Variants in ATP10B observed in about 807,000 individuals in gnomAD.
ATP10B encodes ATPase phospholipid transporting 10B (putative).
A neutral mutation model predicts 141.2 loss-of-function variants in ATP10B; 122 were observed. That is an observed-to-expected ratio of 0.86 (90% CI 0.75 to 1.00). The LOEUF is 1.00. ATP10B is among the 50% of genes least tolerant of loss of function. ATP10B has a pLI of 0.00. For synonymous variants in ATP10B, 685 were observed against 692.0 expected (o/e 0.99, Z 0.16); for missense variants, 1,876 against 1,825.3 (o/e 1.03, Z -0.51).
intron 1 of ATP10B, among the ~76,000 whole-genome samples, chr5:160,828,788 C>T (rs1774830830): frequency 6.6e-6 from 1 of 151,460 alleles, no homozygotes; most frequent in Admixed American, 6.6e-5. Context: ...TTCACAATAG[C>T]AAAGACTTGG....
At chr5:160,833,005 C>T (rs1001848078) in intron 1 of ATP10B, among the ~76,000 whole-genome samples, 3 of 152,082 alleles carry the variant, frequency 2.0e-5, no homozygotes, top group African/African-American at 7.2e-5. Flanking sequence ...TGTTAATGTG[C>T]CAAACTCTGG....
chr5:160,884,470 CTTTTT>C, the ATP10B span, among the ~76,000 whole-genome samples: 1 of 151,952 alleles, frequency 6.6e-6, no homozygotes, highest in African/African-American at 2.4e-5. Context: ...GATAATTTTT[CTTTTT>C]AAGTTTCCTT....
At chr5:160,733,764 C>A (rs975456450) in intron 2 of ATP10B, among the ~76,000 whole-genome samples, 2 of 149,172 alleles carry the variant, frequency 1.3e-5, no homozygotes, top group Non-Finnish European at 1.5e-5. Flanking sequence ...TTTAAAGAGC[C>A]AAAGAAAAAA....
the ATP10B span, among the ~76,000 whole-genome samples, chr5:160,873,008 C>CGA: frequency 6.6e-6 from 1 of 151,994 alleles, no homozygotes; most frequent in African/African-American, 2.4e-5. Flanking sequence ...TCCATGAGCA[C>CGA]GAGATGTGTT....
intron 10 of ATP10B, among the ~76,000 whole-genome samples, chr5:160,637,966 A>G (rs1759541300): frequency 6.6e-6 from 1 of 152,248 alleles, no homozygotes; most frequent in Non-Finnish European, 1.5e-5. Flanking sequence ...TAAGACAAGT[A>G]TGGGAAAAGC....
chr5:160,829,834 A>C (rs1380549229), intron 1 of ATP10B, among the ~76,000 whole-genome samples: 2 of 152,150 alleles, frequency 1.3e-5, no homozygotes, highest in African/African-American at 4.8e-5. Flanking sequence ...CTCATTTATC[A>C]GTTCTAGTTG....
At chr5:160,782,894 G>C (rs893995458) in intron 2 of ATP10B, among the ~76,000 whole-genome samples, 4 of 152,094 alleles carry the variant, frequency 2.6e-5, no homozygotes, top group African/African-American at 9.6e-5. Flanking sequence ...ATGTAACATT[G>C]TATTCATATG....
intron 13 of ATP10B, among the ~76,000 whole-genome samples, chr5:160,628,907 A>G (rs1758760268): frequency 1.3e-5 from 2 of 152,052 alleles, no homozygotes; most frequent in Non-Finnish European, 2.9e-5. Flanking sequence ...CAATTAGGTG[A>G]CAATCACTGA....
the ATP10B span, among the ~76,000 whole-genome samples, chr5:160,861,855 CTTCT>C: frequency 6.6e-6 from 1 of 151,818 alleles, no homozygotes; most frequent in African/African-American, 2.4e-5. Flanking sequence ...AAATAATTTA[CTTCT>C]TTAAAAATAA....
At chr5:160,591,993 C>T (rs1326533279) in intron 22 of ATP10B, among the ~76,000 whole-genome samples, 1 of 152,180 alleles carries the variant, frequency 6.6e-6, no homozygotes, top group Non-Finnish European at 1.5e-5. Context: ...GCAAGACACT[C>T]TCTGGCATTG....
At chr5:160,703,284 T>C (rs1764781120) in intron 3 of ATP10B, among the ~76,000 whole-genome samples, 1 of 152,190 alleles carries the variant, frequency 6.6e-6, no homozygotes, top group African/African-American at 2.4e-5. Context: ...GTCACATACA[T>C]TTTTTAGTTC....
At chr5:160,731,535 GTGGAGAATGGGAGTTGTA>G (rs550338158) in intron 2 of ATP10B, among the ~76,000 whole-genome samples, 14 of 152,232 alleles carry the variant, frequency 9.2e-5, no homozygotes, top group Admixed American at 4.6e-4. Context: ...AGTGAGTTGT[GTGGAGAATGGGAGTTGTA>G]TGGAGAATGG....
chr5:160,766,943 T>C (rs1431278645), intron 2 of ATP10B, among the ~76,000 whole-genome samples: 2 of 152,172 alleles, frequency 1.3e-5, no homozygotes, highest in African/African-American at 2.4e-5. Context: ...TGACACCTGC[T>C]CCTACTCAGT....
intron 1 of ATP10B, among the ~76,000 whole-genome samples, chr5:160,815,023 G>A (rs893013132): frequency 6.6e-6 from 1 of 152,170 alleles, no homozygotes; most frequent in Non-Finnish European, 1.5e-5. Context: ...ACCAGCCACT[G>A]CAAAGACATG....
In ATP10B at chr5:160,706,585, G is replaced by C. The variant is rs376548725; in HGVS notation, c.-205+10324C>G. ...ACTTAGGTTTACCTCCGTAGCCTGA[G>C]TCATCTGTGATTGCCCTGGTTAGTT... On this transcript the variant is annotated intron_variant, in intron 3 of 25. Coordinates refer to ENST00000327245, the MANE Select transcript of ATP10B (RefSeq NM_025153.3). Among the ~76,000 whole-genome samples the C allele has an allele frequency of 7.7e-4, 117 of 152,254 alleles. No homozygotes were observed. In the South Asian group the frequency reaches 0.017, roughly 22 times the overall value.
At chr5:160,839,692 T>C (rs951558506) in intron 1 of ATP10B, among the ~76,000 whole-genome samples, 1 of 152,090 alleles carries the variant, frequency 6.6e-6, no homozygotes, top group African/African-American at 2.4e-5. Flanking sequence ...GATTCTCAAA[T>C]TGACCCATCA....
intron 1 of ATP10B, among the ~76,000 whole-genome samples, chr5:160,832,673 A>C (rs1775171384): frequency 6.6e-6 from 1 of 152,130 alleles, no homozygotes; most frequent in African/African-American, 2.4e-5. Context: ...AGATAAAGCT[A>C]AATAAGCCAC....
At chr5:160,883,058 A>G in the ATP10B span, among the ~76,000 whole-genome samples, 1 of 152,258 alleles carries the variant, frequency 6.6e-6, no homozygotes, top group East Asian at 1.9e-4. Flanking sequence ...AAATATAGGA[A>G]TGGGAAAAGC....
intron 3 of ATP10B, chr5:160,692,876 C>A (rs1448604436): frequency 1.3e-5 from 2 of 152,234 alleles, no homozygotes; most frequent in Non-Finnish European, 2.9e-5. Flanking sequence ...CCAATTAAAT[C>A]TCTTTCTCCT....
Sources: allele counts gnomAD v4.1 joint callset (sites outside exome capture counted in the v4.1 genomes callset), GRCh38; gene constraint gnomAD v4.1.1; transcripts MANE v1.5; gene names NCBI Gene and HGNC (gene_info 2026-07-23, HGNC 2026-07-21).